The following TG variants were observed in gnomAD, a reference collection of about 807,000 sequenced individuals.
The protein encoded by TG is thyroglobulin.
In TG, 270 loss-of-function variants were observed where a neutral mutation model predicts 324.7. The ratio of observed to expected loss-of-function variants is 0.83; its 90% CI spans 0.75 to 0.92. The LOEUF (loss-of-function observed/expected upper bound fraction) is 0.92. Among genes scored for constraint, TG ranks in the 40% least tolerant of loss-of-function variants. TG has a pLI of 0.00. For synonymous variants in TG, 1,401 were observed against 1,327.0 expected (o/e 1.06, Z -1.21); for missense variants, 3,591 against 3,456.4 (o/e 1.04, Z -0.98).
chr8:132,913,112 C>T lies in TG; in HGVS notation c.4225C>T (p.Gln1409Ter). Reference sequence around the variant, plus strand: ...AGATCTGATCCAGAGTGGCTCATTCCAGCTTCATCTGGACTCCAAGACGTT... The same window carrying T: ...AGATCTGATCCAGAGTGGCTCATTCTAGCTTCATCTGGACTCCAAGACGTT... ...FTDLIQSGSF[Q>*]LHLDSKTFPA... The change falls in exon 20 of 48, where the codon CAG (glutamine) becomes TAG (stop). Residue 1409 changes from glutamine (Q) to a stop codon, truncating the protein, a stop_gained. Coordinates refer to ENST00000220616, the MANE Select transcript of TG (RefSeq NM_003235.5). LOFTEE classifies it high-confidence loss of function. The T allele has an allele frequency of 6.2e-7, 1 of 1,614,200 alleles. No individual in the cohort carries two copies. The highest frequency in any genetic ancestry group is 8.5e-7 in the Non-Finnish European group (1 of 1,180,042).
rs577526076 is a variant in TG at position 133,081,254 on chromosome 8, C to A, written c.7240-13790C>A. Among the ~76,000 whole-genome samples the A allele has an allele frequency of 2.8e-4, 42 of 152,360 alleles. No individual in the cohort carries two copies. The South Asian group carries it at 8.1e-3, about 29-fold the overall frequency. ...GTCTAACCATGACCATGGAGCCTAG[C>A]ACAGAGGCTATCCCCAAAGATGTGA... On this transcript the variant is annotated intron_variant, in intron 41 of 47. Transcript: ENST00000220616.
intron 27 of TG, among the ~76,000 whole-genome samples, chr8:132,956,493 G>A (rs1417197235): frequency 6.6e-6 from 1 of 152,196 alleles, no homozygotes; most frequent in African/African-American, 2.4e-5. Flanking sequence ...CTTTCAGGAG[G>A]CAGTGATGCA....
At chr8:132,976,268 G>A (rs1830160751) in intron 34 of TG, among the ~76,000 whole-genome samples, 1 of 152,250 alleles carries the variant, frequency 6.6e-6, no homozygotes, top group East Asian at 1.9e-4. Flanking sequence ...CAAATATCAA[G>A]GAGCCAGCAT....
At chr8:133,101,221 A>C (rs1849207564) in intron 43 of TG, among the ~76,000 whole-genome samples, 1 of 152,166 alleles carries the variant, frequency 6.6e-6, no homozygotes. Flanking sequence ...CCCCACACAG[A>C]ACTGCAAGAG....
rs908919079 is a variant in TG, at chr8:133,116,675, C to T, written c.7821C>T (p.Asn2607=). Residue 2607 remains asparagine, a synonymous_variant, in exon 45 of 48, where the codon AAC becomes AAT. Coordinates refer to ENST00000220616, the MANE Select transcript of TG (RefSeq NM_003235.5). Reference sequence around the variant, plus strand: ...CCTGGGCAAAGAGGGCCCGAGGAAACGTCTTCATGTACCATGCTCCTGAAA... The same window carrying T: ...CCTGGGCAAAGAGGGCCCGAGGAAATGTCTTCATGTACCATGCTCCTGAAA... The part of the protein sequence containing the change: ...ASAWAKRARG[N]VFMYHAPENY... 6.2e-6 allele frequency: 10 copies of T among 1,614,124 alleles called. No homozygotes were observed. The highest frequency in any genetic ancestry group is 4.0e-5 in the African/African-American group (3 of 74,946).
chr8:133,062,985 G>C (rs1342258266), intron 41 of TG, among the ~76,000 whole-genome samples: 1 of 152,218 alleles, frequency 6.6e-6, no homozygotes, highest in Non-Finnish European at 1.5e-5. Context: ...GGGCTTCCTG[G>C]TACCTGCCAG....
intron 43 of TG, among the ~76,000 whole-genome samples, chr8:133,111,189 T>A (rs61475510): frequency 0.23 from 34,258 of 151,980 alleles, 4,052 homozygotes; most frequent in African/African-American, 0.28. Context: ...AGCTCTGATG[T>A]GGGGTCCTGC....
intron 41 of TG, among the ~76,000 whole-genome samples, chr8:133,046,919 C>G (rs1051035413): frequency 6.6e-6 from 1 of 152,204 alleles, no homozygotes; most frequent in East Asian, 1.9e-4. Context: ...ATGGGAAGTA[C>G]TCTCAGATAG....
At chr8:133,002,388 G>T in intron 35 of TG, 1 of 985,390 alleles carries the variant, frequency 1.0e-6, no homozygotes, top group African/African-American at 1.7e-5. Context: ...ATAATATCTG[G>T]CCACTTTCTA....
At chr8:133,013,544 T>C in intron 36 of TG, 56 bp from the exon 37 acceptor site, 1 of 1,605,778 alleles carries the variant, frequency 6.2e-7, no homozygotes, top group Non-Finnish European at 8.5e-7. Context: ...GAAGAATGCA[T>C]GAGTGAAGTA....
intron 25 of TG, among the ~76,000 whole-genome samples, chr8:132,937,450 G>A (rs904674122): frequency 3.3e-5 from 5 of 152,174 alleles, no homozygotes; most frequent in African/African-American, 1.2e-4. Flanking sequence ...TTGCCTGGGA[G>A]ATTGGAATCT....
At chr8:133,055,363 G>GCACACACACACACA (rs1219639810) in intron 41 of TG, among the ~76,000 whole-genome samples, 2 of 31,986 alleles carry the variant, frequency 6.3e-5, no homozygotes, top group South Asian at 8.4e-4. Flanking sequence ...ACACGCACGC[G>GCACACACACACACA]CGCACACACA....
rs575625650 is a variant in TG at position 132,990,059 on chromosome 8, A to G, written c.6262+6647A>G. Among the ~76,000 whole-genome samples the G allele has an allele frequency of 2.0e-5, 3 of 152,188 alleles. No individual in the cohort carries two copies. In the East Asian group the frequency reaches 5.8e-4, roughly 29 times the overall value. ...AGTGGGTGTTCAAGAAACGTCAGCA[A>G]TAATTCCCAAGTCCAAACCGCTTTA... On this transcript the variant is annotated intron_variant, in intron 35 of 47. Transcript: ENST00000220616.
rs114414829 is a variant in TG, at chr8:133,018,132, A to G, written c.6782+135A>G. 1,630 of 874,176 alleles carry G rather than the reference A, an allele frequency of 1.9e-3. 24 individuals are homozygous for G. The African/African-American group carries it at 0.024, about 13-fold the overall frequency. The allele number at this position is 874,176 out of a possible 1,614,324, so 54.2% of individuals were successfully genotyped here. ...GTATGGAGGATGGAATATATTAGCT[A>G]AGATATCATTAAGTGCTGTGACAGA... On this transcript the variant is annotated intron_variant, in intron 38 of 47. Transcript: ENST00000220616.
In TG at chr8:133,113,563, G is replaced by T. The variant is rs543488634; in HGVS notation, c.7714G>T (p.Asp2572Tyr). 6.2e-7 allele frequency: 1 copy of T among 1,614,184 alleles called. No individual in the cohort carries two copies. The highest frequency in any genetic ancestry group is 2.2e-5 in the East Asian group (1 of 44,882). ...WYYSLEHSTD[D>Y]YASFSRALEN... is the part of the protein sequence containing the mutation. ...TTACTCTCTGGAGCACTCCACGGATGACTATGCCTCCTTCTCCCGGGCTCT... is the reference window on the plus strand; with the variant it reads ...TTACTCTCTGGAGCACTCCACGGATTACTATGCCTCCTTCTCCCGGGCTCT... Residue 2572 changes from aspartate (D) to tyrosine (Y), a missense_variant, in exon 44 of 48, where the codon GAC (aspartate) becomes TAC (tyrosine). Transcript: ENST00000220616.
chr8:132,928,895 A>G (rs1445088994), intron 22 of TG, among the ~76,000 whole-genome samples, 181 bp from the exon 23 acceptor site: 1 of 152,214 alleles, frequency 6.6e-6, no homozygotes, highest in Non-Finnish European at 1.5e-5. Context: ...TGTAACTCTC[A>G]GTTTTAGATA....
chr8:133,072,722 G>A (rs1844252360), intron 41 of TG, among the ~76,000 whole-genome samples: 1 of 152,164 alleles, frequency 6.6e-6, no homozygotes, highest in Admixed American at 6.5e-5. Flanking sequence ...CATTTCCCTT[G>A]GAAATACATT....
At chr8:133,007,371 C>A (rs1428909083) in intron 35 of TG, among the ~76,000 whole-genome samples, 1 of 148,784 alleles carries the variant, frequency 6.7e-6, no homozygotes, top group African/African-American at 2.5e-5. Context: ...GTGTGTAGAT[C>A]AATTAGTTTG....
intron 45 of TG, among the ~76,000 whole-genome samples, chr8:133,125,734 G>A (rs924554193): frequency 3.3e-5 from 5 of 152,164 alleles, no homozygotes; most frequent in East Asian, 1.9e-4. Context: ...GGCTGAGTGC[G>A]CGCTAGGACA....
Sources: allele counts gnomAD v4.1 joint callset (sites outside exome capture counted in the v4.1 genomes callset), GRCh38; gene constraint gnomAD v4.1.1; transcripts MANE v1.5; gene names NCBI Gene and HGNC (gene_info 2026-07-23, HGNC 2026-07-21).